Variants in GCNT1 observed in about 807,000 individuals in gnomAD.
GCNT1 encodes the protein beta-1,3-galactosyl-O-glycosyl-glycoprotein beta-1,6-N-acetylglucosaminyltransferase.
In GCNT1, 16 loss-of-function variants were observed where a neutral mutation model predicts 26.2. The ratio of observed to expected loss-of-function variants is 0.61; its 90% confidence interval spans 0.41 to 0.93. GCNT1 has a LOEUF of 0.93. Among genes scored for constraint, GCNT1 ranks in the 40% least tolerant of loss-of-function variants. The pLI is 0.00. For synonymous variants in GCNT1, 183 were observed against 190.8 expected (o/e 0.96, Z 0.34); for missense variants, 477 against 526.7 (o/e 0.91, Z 0.92).
chr9:76,484,076 A>T (rs1824499872), intron 2 of GCNT1, among the ~76,000 whole-genome samples: 2 of 152,230 alleles, frequency 1.3e-5, no homozygotes, highest in Admixed American at 6.5e-5. Flanking sequence ...ATTGGTATAT[A>T]TTCTATCAGA....
chr9:76,405,401 C>T, the GCNT1 span, among the ~76,000 whole-genome samples: 4 of 152,060 alleles, frequency 2.6e-5, no homozygotes, highest in South Asian at 4.1e-4. Context: ...TAATATCACC[C>T]CAAGTCTGTA....
the GCNT1 span, among the ~76,000 whole-genome samples, chr9:76,413,653 G>GTTTTTTTTTTTTTTTTTTTT: frequency 1.3e-3 from 149 of 118,626 alleles, no homozygotes; most frequent in East Asian, 3.6e-3. Flanking sequence ...GTTTTGTTTT[G>GTTTTTTTTTTTTTTTTTTTT]TTTTTTTTTT....
chr9:76,410,220 T>C, the GCNT1 span, among the ~76,000 whole-genome samples: 2,824 of 151,864 alleles, frequency 0.019, 31 homozygotes, highest in Non-Finnish European at 0.026. Flanking sequence ...TCACCAGAGG[T>C]CAGGAGTTGG....
chr9:76,485,710 C>T (rs1343653137), intron 2 of GCNT1, among the ~76,000 whole-genome samples: 1 of 151,158 alleles, frequency 6.6e-6, no homozygotes, highest in Non-Finnish European at 1.5e-5. Flanking sequence ...ATATTGGGTC[C>T]CTTGATTACT....
chr9:76,458,098 C>G (rs1823788794), upstream of GCNT1, among the ~76,000 whole-genome samples: 1 of 151,678 alleles, frequency 6.6e-6, no homozygotes, highest in African/African-American at 2.4e-5. Flanking sequence ...TTCCTCTATA[C>G]CATCATCTTA....
At position 76,506,387 on chromosome 9, in the gene GCNT1, A is replaced by G. The variant is rs1375896271; in HGVS notation, c.*2719A>G. 1 of 166,770 alleles carries G rather than the reference A, an allele frequency of 6.0e-6. No individual in the cohort carries two copies. Among genetic ancestry groups the G allele is most frequent in the Non-Finnish European group, 1.5e-5 (1 of 68,076 alleles). The allele number at this position is 166,770 out of a possible 1,614,324, so 10.3% of individuals were successfully genotyped here. On this transcript the variant is annotated 3_prime_UTR_variant, in exon 4 of 4. Transcript: ENST00000376730. ...AACCCCATCTCTACTGAAAATAGAA[A>G]AAAAAAATTAGCCAGGCTTGCACCT...
intron 2 of GCNT1, among the ~76,000 whole-genome samples, chr9:76,470,177 A>G (rs1053747934): frequency 6.6e-6 from 1 of 152,148 alleles, no homozygotes; most frequent in African/African-American, 2.4e-5. Context: ...TATAATGTAA[A>G]TAAAATATAT....
At position 76,505,420 on chromosome 9, in the gene GCNT1, C is replaced by T; in HGVS notation, c.*1752C>T. The T allele has an allele frequency of 6.0e-6, 1 of 167,410 alleles. No homozygotes were observed. The allele number at this position is 167,410 out of a possible 1,614,324, so 10.4% of individuals were successfully genotyped here. ...CTCGAGATGATGAGGGTGGTACATG[C>T]AGTGTGTTCTCTCTTTATTGGCTTC... On this transcript the variant is annotated 3_prime_UTR_variant, in exon 4 of 4. Coordinates refer to ENST00000376730, the MANE Select transcript of GCNT1 (RefSeq NM_001490.5).
chr9:76,417,856 T>A (rs1823146188), upstream of GCNT1, among the ~76,000 whole-genome samples: 2 of 152,178 alleles, frequency 1.3e-5, no homozygotes, highest in Non-Finnish European at 2.9e-5. Context: ...CCTGTATGAT[T>A]GTAGAGGGGC....
intron 2 of GCNT1, among the ~76,000 whole-genome samples, chr9:76,461,289 T>C (rs566566717): frequency 6.6e-6 from 1 of 152,218 alleles, no homozygotes; most frequent in African/African-American, 2.4e-5. Context: ...CTCATATTTT[T>C]TCCTTTTTAG....
intron 1 of GCNT1, among the ~76,000 whole-genome samples, chr9:76,428,597 C>A (rs1196743925): frequency 6.6e-6 from 1 of 152,036 alleles, no homozygotes; most frequent in Non-Finnish European, 1.5e-5. Flanking sequence ...CTCCCACCAC[C>A]ATCTTCATCC....
intron 1 of GCNT1, among the ~76,000 whole-genome samples, chr9:76,444,325 G>T (rs545908587): frequency 6.6e-6 from 1 of 152,172 alleles, no homozygotes; most frequent in African/African-American, 2.4e-5. Context: ...AACAGCATGA[G>T]GTTGGATGAG....
At chr9:76,472,583 T>C (rs536836511) in intron 2 of GCNT1, among the ~76,000 whole-genome samples, 1 of 152,326 alleles carries the variant, frequency 6.6e-6, no homozygotes, top group Non-Finnish European at 1.5e-5. Flanking sequence ...TGCCATATGC[T>C]CTTCTTGTAA....
chr9:76,497,392 G>T (rs1824936149), intron 2 of GCNT1, among the ~76,000 whole-genome samples: 1 of 152,140 alleles, frequency 6.6e-6, no homozygotes, highest in South Asian at 2.1e-4. Flanking sequence ...TGTATGTCTT[G>T]AAATTAGGTT....
At chr9:76,474,041 A>G (rs1433208544) in intron 2 of GCNT1, among the ~76,000 whole-genome samples, 1 of 152,198 alleles carries the variant, frequency 6.6e-6, no homozygotes, top group African/African-American at 2.4e-5. Flanking sequence ...TCGAGGCTGT[A>G]GTAAGCTTTG....
At chr9:76,490,751 C>T (rs1431501714) in intron 2 of GCNT1, among the ~76,000 whole-genome samples, 1 of 73,216 alleles carries the variant, frequency 1.4e-5, no homozygotes, top group Admixed American at 1.6e-4. Flanking sequence ...AATTATTAGG[C>T]AAGTTTCCTA....
intron 1 of GCNT1, among the ~76,000 whole-genome samples, chr9:76,436,017 A>G (rs943644062): frequency 2.2e-5 from 3 of 139,098 alleles, no homozygotes; most frequent in African/African-American, 8.1e-5. Context: ...GTGCAGTGGC[A>G]CGATCTCGGC....
At chr9:76,488,074 G>C (rs1233353047) in intron 2 of GCNT1, among the ~76,000 whole-genome samples, 1 of 152,206 alleles carries the variant, frequency 6.6e-6, no homozygotes, top group African/African-American at 2.4e-5. Context: ...TAGCTGGACA[G>C]TAGCTGGAAT....
Position 76,502,879 on chromosome 9 carries a change from G to A in GCNT1, c.498G>A (p.Val166=), listed in dbSNP as rs1564248954. 2 of 1,613,934 alleles carry A rather than the reference G, an allele frequency of 1.2e-6. No individual in the cohort carries two copies. The highest frequency in any genetic ancestry group is 1.7e-5 in the Admixed American group (1 of 60,010). The change falls in exon 4 of 4, where the codon GTG becomes GTA. Residue 166 remains valine (V), a synonymous_variant. Transcript: ENST00000376730. ...TKSEDSYLAA[V]MGIASCFSNV... ...CCGAGGATTCCTATTTAGCTGCAGT[G>A]ATGGGCATCGCTTCCTGTTTTAGTA...
Sources: gnomAD v4.1 joint callset for allele counts (sites outside exome capture counted in the v4.1 genomes callset) on GRCh38, gnomAD v4.1.1 for gene constraint, MANE v1.5 for transcripts, NCBI Gene and HGNC (gene_info 2026-07-23, HGNC 2026-07-21) for gene names.